Variants in PSD2 observed in about 807,000 individuals in gnomAD.
PSD2 encodes the protein pleckstrin and Sec7 domain containing 2, also known as PH and SEC7 domain-containing protein 2.
A neutral mutation model predicts 69.8 loss-of-function variants in PSD2; 38 were observed. That is an observed-to-expected ratio of 0.54 (90% CI 0.42 to 0.71). The LOEUF is 0.71. Among genes scored for constraint, PSD2 ranks in the 30% least tolerant of loss-of-function variants. PSD2 has a pLI of 0.00. For synonymous variants in PSD2, 412 were observed against 423.0 expected (o/e 0.97, Z 0.32); for missense variants, 943 against 1,014.5 (o/e 0.93, Z 0.96).
chr5:139,790,775 G>A, the PSD2 span, among the ~76,000 whole-genome samples: 1 of 152,170 alleles, frequency 6.6e-6, no homozygotes, highest in Non-Finnish European at 1.5e-5. Flanking sequence ...GGGTGCTGTG[G>A]TTCATGCTTG....
intron 1 of PSD2, among the ~76,000 whole-genome samples, chr5:139,804,304 A>T (rs954792036): frequency 6.6e-6 from 1 of 152,106 alleles, no homozygotes; most frequent in African/African-American, 2.4e-5. Context: ...AGGTCCAAGA[A>T]AGATTTCTTT....
At chr5:139,753,747 C>T in the PSD2 span, among the ~76,000 whole-genome samples, 1 of 152,302 alleles carries the variant, frequency 6.6e-6, no homozygotes, top group East Asian at 1.9e-4. Flanking sequence ...AGGACGCCTG[C>T]TGCATGTGGA....
chr5:139,817,674 C>G, intron 5 of PSD2, 113 bp downstream of exon 5: 1 of 890,228 alleles, frequency 1.1e-6, no homozygotes, highest in Non-Finnish European at 1.8e-6. Flanking sequence ...TCTTTTGACC[C>G]CTGGTGAGGC....
chr5:139,783,215 G>A, the PSD2 span, among the ~76,000 whole-genome samples: 64 of 152,250 alleles, frequency 4.2e-4, no homozygotes, highest in Admixed American at 5.9e-4. Context: ...TGGGAGGATC[G>A]CTTGAGCCCA....
chr5:139,830,823 CTTT>C (rs60786662), intron 7 of PSD2, among the ~76,000 whole-genome samples: 77 of 82,934 alleles, frequency 9.3e-4, no homozygotes, highest in Admixed American at 2.4e-3. Context: ...CCTGGACTTG[CTTT>C]TTTTTTTTTT....
the PSD2 span, among the ~76,000 whole-genome samples, chr5:139,754,171 A>G: frequency 6.6e-6 from 1 of 151,714 alleles, no homozygotes; most frequent in African/African-American, 2.4e-5. Flanking sequence ...AGGAATTCAG[A>G]TTAGATTTAA....
the PSD2 span, among the ~76,000 whole-genome samples, chr5:139,748,639 T>C: frequency 7.2e-5 from 11 of 152,124 alleles, no homozygotes; most frequent in Non-Finnish European, 1.3e-4. Context: ...GGTGGGCGCC[T>C]CCACTGCCCG....
chr5:139,762,628 ACCAATTGTCACCCTCTTCTAGCTTGGCC>A, the PSD2 span, among the ~76,000 whole-genome samples: 4 of 152,214 alleles, frequency 2.6e-5, no homozygotes, highest in South Asian at 6.2e-4. Flanking sequence ...AGAGGGGTCA[ACCAATTGTCACCCTCTTCTAGCTTGGCC>A]CTAGATGGCC....
the PSD2 span, chr5:139,775,463 C>G: frequency 6.6e-6 from 1 of 152,336 alleles, no homozygotes; most frequent in Admixed American, 6.5e-5. Context: ...AAGTCATGAG[C>G]TCATCACCAT....
chr5:139,804,959 ATGTGTGCG>A (rs1287426288), intron 1 of PSD2, among the ~76,000 whole-genome samples: 2 of 133,344 alleles, frequency 1.5e-5, no homozygotes, highest in South Asian at 2.4e-4. Context: ...GTGCGTGTGT[ATGTGTGCG>A]TGTGTGCGTG....
At chr5:139,757,481 G>C in the PSD2 span, among the ~76,000 whole-genome samples, 93 of 152,310 alleles carry the variant, frequency 6.1e-4, no homozygotes, top group South Asian at 0.019. Flanking sequence ...AGACTCAAGG[G>C]GGGTAGTGTC....
At chr5:139,807,566 T>G (rs1241881914) in intron 1 of PSD2, among the ~76,000 whole-genome samples, 1 of 152,180 alleles carries the variant, frequency 6.6e-6, no homozygotes, top group African/African-American at 2.4e-5. Flanking sequence ...GCTTTTGAGA[T>G]GTTTAAGTCT....
chr5:139,768,518 T>A, the PSD2 span, among the ~76,000 whole-genome samples: 1 of 151,228 alleles, frequency 6.6e-6, no homozygotes, highest in Non-Finnish European at 1.5e-5. Flanking sequence ...AGGAAGGGAG[T>A]TCGAGACTAG....
the PSD2 span, among the ~76,000 whole-genome samples, chr5:139,789,986 CA>C: frequency 6.6e-6 from 1 of 151,606 alleles, no homozygotes; most frequent in African/African-American, 2.4e-5. Flanking sequence ...CAGAGAGCAG[CA>C]CGGGGCCGGG....
upstream of PSD2, among the ~76,000 whole-genome samples, chr5:139,792,870 C>CCTTCCTTCCTTT (rs1318608635): frequency 7.8e-6 from 1 of 128,700 alleles, no homozygotes; most frequent in Non-Finnish European, 1.6e-5. Flanking sequence ...TTCCTTCCTT[C>CCTTCCTTCCTTT]CTTCCTTCCT....
upstream of PSD2, among the ~76,000 whole-genome samples, chr5:139,792,322 C>T (rs1759428079): frequency 6.6e-6 from 1 of 152,116 alleles, no homozygotes; most frequent in Non-Finnish European, 1.5e-5. Flanking sequence ...TTTTAGGGGT[C>T]CTCTGAGTCA....
chr5:139,842,185 A>T, intron 14 of PSD2, 86 bp from the exon 15 acceptor site: 1 of 1,082,266 alleles, frequency 9.2e-7, no homozygotes. Flanking sequence ...TCTGCATATT[A>T]AGGAAATTAG....
chr5:139,766,905 C>T, the PSD2 span, among the ~76,000 whole-genome samples: 10 of 44,320 alleles, frequency 2.3e-4, no homozygotes, highest in Admixed American at 2.9e-4. Context: ...CCCTCTTTCC[C>T]TCCCTTCCTT....
chr5:139,792,690 C>A (rs1294063549), upstream of PSD2, among the ~76,000 whole-genome samples: 1 of 151,900 alleles, frequency 6.6e-6, no homozygotes, highest in African/African-American at 2.4e-5. Context: ...GGATGTTGAC[C>A]CTGCTGTCTT....
Sources: gnomAD v4.1 joint callset for allele counts (sites outside exome capture counted in the v4.1 genomes callset) on GRCh38, gnomAD v4.1.1 for gene constraint, MANE v1.5 for transcripts, NCBI Gene and HGNC (gene_info 2026-07-23, HGNC 2026-07-21) for gene names.